Variants in ZBTB20 observed in about 807,000 individuals in gnomAD.
ZBTB20 encodes zinc finger and BTB domain-containing protein 20.
In ZBTB20, 9 loss-of-function variants were observed where a neutral mutation model predicts 56.9. That is an observed-to-expected ratio of 0.16 (90% CI 0.10 to 0.28). ZBTB20 has a LOEUF of 0.28. Ranked by LOEUF, ZBTB20 falls within the 10% of genes least tolerant of loss-of-function variation. The pLI is 1.00. For missense variants in ZBTB20, 655 were observed against 1,003.0 expected (o/e 0.65, Z 4.69); for synonymous variants, 417 against 420.7 (o/e 0.99, Z 0.11).
At chr3:114,856,014 G>A (rs2075236204) in intron 4 of ZBTB20, among the ~76,000 whole-genome samples, 1 of 152,142 alleles carries the variant, frequency 6.6e-6, no homozygotes, top group South Asian at 2.1e-4. Context: ...AACACCCTGA[G>A]GTGGGATTTA....
At chr3:114,450,256 T>A (rs189393858) in intron 7 of ZBTB20, among the ~76,000 whole-genome samples, 2 of 152,220 alleles carry the variant, frequency 1.3e-5, no homozygotes, top group African/African-American at 4.8e-5. Flanking sequence ...ATACAGCGCA[T>A]GCTCAGCAGG....
intron 6 of ZBTB20, among the ~76,000 whole-genome samples, chr3:114,550,185 G>A (rs1206522160): frequency 6.6e-6 from 1 of 152,116 alleles, no homozygotes; most frequent in Non-Finnish European, 1.5e-5. Context: ...CGATCCGCCT[G>A]CCTTGGCCTC....
chr3:114,964,063 T>C (rs2077552447), intron 3 of ZBTB20, among the ~76,000 whole-genome samples: 1 of 152,152 alleles, frequency 6.6e-6, no homozygotes, highest in African/African-American at 2.4e-5. Flanking sequence ...AAAATGAACA[T>C]GACATACTCC....
chr3:114,934,493 AGAACATAGCTGTG>A (rs1370983121), intron 3 of ZBTB20, among the ~76,000 whole-genome samples: 1 of 152,218 alleles, frequency 6.6e-6, no homozygotes, highest in Non-Finnish European at 1.5e-5. Flanking sequence ...ATCTGTGCCT[AGAACATAGCTGTG>A]GATTAACAAA....
chr3:115,001,099 A>G (rs1226551741), intron 2 of ZBTB20, among the ~76,000 whole-genome samples: 1 of 151,238 alleles, frequency 6.6e-6, no homozygotes, highest in Admixed American at 6.6e-5. Context: ...AAAAAAAAAA[A>G]AAAACAAATT....
At chr3:114,457,951 TTGGAGA>T (rs2092119355) in intron 7 of ZBTB20, among the ~76,000 whole-genome samples, 2 of 152,204 alleles carry the variant, frequency 1.3e-5, no homozygotes, top group African/African-American at 4.8e-5. Flanking sequence ...TTTTATTTCA[TTGGAGA>T]TCAGTAATAA....
chr3:114,532,698 C>T (rs780562124), intron 6 of ZBTB20, among the ~76,000 whole-genome samples: 1 of 152,184 alleles, frequency 6.6e-6, no homozygotes, highest in African/African-American at 2.4e-5. Context: ...CACTGGGAGA[C>T]ACCTCCCAGC....
chr3:114,521,889 T>G (rs1035434253), intron 6 of ZBTB20, among the ~76,000 whole-genome samples: 1 of 152,168 alleles, frequency 6.6e-6, no homozygotes, highest in African/African-American at 2.4e-5. Context: ...GTTTTGCATT[T>G]AATAAAACAC....
intron 7 of ZBTB20, among the ~76,000 whole-genome samples, chr3:114,434,396 C>A (rs1413971938): frequency 1.3e-5 from 2 of 151,968 alleles, no homozygotes; most frequent in Non-Finnish European, 2.9e-5. Context: ...CATATAAGAT[C>A]GTATTTCCCA....
In ZBTB20 at chr3:114,785,667, A is replaced by G. The variant is rs1299781968; in HGVS notation, c.-343+15434T>C. 2.0e-5 allele frequency among the ~76,000 whole-genome samples: 3 copies of G among 152,142 alleles called. No homozygotes were observed. The South Asian group carries it at 6.2e-4, about 32-fold the overall frequency. ...GAGGTAAAACTGACAATAATTTTAC[A>G]CATTTAATATGTACAATGTGATGGT... is the stretch of plus-strand genomic sequence containing the variant. On this transcript the variant is annotated intron_variant, in intron 5 of 11. Transcript: ENST00000675478.
chr3:114,350,227 GC>G, intron 11 of ZBTB20, 46 bp downstream of exon 11: 1 of 1,545,524 alleles, frequency 6.5e-7, no homozygotes, highest in African/African-American at 1.4e-5. Context: ...CCTTCCCACA[GC>G]CCCCTCAGCC....
intron 10 of ZBTB20, among the ~76,000 whole-genome samples, chr3:114,360,936 T>C (rs2081803240): frequency 6.6e-6 from 1 of 152,136 alleles, no homozygotes; most frequent in Admixed American, 6.5e-5. Flanking sequence ...TGCTGTCAGA[T>C]AGAACTCAAA....
At chr3:114,609,182 G>T (rs987175530) in intron 6 of ZBTB20, among the ~76,000 whole-genome samples, 1 of 152,202 alleles carries the variant, frequency 6.6e-6, no homozygotes, top group Admixed American at 6.5e-5. Flanking sequence ...GTGTCTTTCA[G>T]TTAGACTTCT....
At chr3:114,511,100 T>TAA (rs63221060) in intron 6 of ZBTB20, among the ~76,000 whole-genome samples, 3 of 129,344 alleles carry the variant, frequency 2.3e-5, no homozygotes, top group Admixed American at 7.7e-5. Flanking sequence ...GTCCACATGC[T>TAA]AAAAAAAAAA....
intron 5 of ZBTB20, among the ~76,000 whole-genome samples, chr3:114,714,946 A>G (rs2064360487): frequency 6.6e-6 from 1 of 152,218 alleles, no homozygotes; most frequent in African/African-American, 2.4e-5. Context: ...ACTATAAAAA[A>G]TCATAGCCAG....
chr3:114,388,412 C>T (rs2085415377), intron 8 of ZBTB20: 1 of 152,200 alleles, frequency 6.6e-6, no homozygotes, highest in Admixed American at 6.5e-5. Flanking sequence ...ACTTCTCCTA[C>T]ATAAATGCCT....
At chr3:114,545,407 A>C (rs2049758879) in intron 6 of ZBTB20, among the ~76,000 whole-genome samples, 1 of 152,176 alleles carries the variant, frequency 6.6e-6, no homozygotes, top group South Asian at 2.1e-4. Flanking sequence ...TTTAGTTAAA[A>C]GGCATCAGGG....
chr3:114,376,203 A>G (rs1203693236), intron 10 of ZBTB20, among the ~76,000 whole-genome samples: 1 of 152,168 alleles, frequency 6.6e-6, no homozygotes, highest in Admixed American at 6.5e-5. Context: ...AAAGACCCAT[A>G]TCCTCAACTG....
chr3:115,122,187 T>C (rs1178220868), intron 1 of ZBTB20, among the ~76,000 whole-genome samples: 2 of 151,972 alleles, frequency 1.3e-5, no homozygotes, highest in African/African-American at 2.4e-5. Context: ...ATTTCTGTCA[T>C]GAAACAAAGG....
Sources: allele counts gnomAD v4.1 joint callset (sites outside exome capture counted in the v4.1 genomes callset), GRCh38; gene constraint gnomAD v4.1.1; transcripts MANE v1.5; gene names NCBI Gene and HGNC (gene_info 2026-07-23, HGNC 2026-07-21).